FEZ2: variants seen among roughly 807,000 people sequenced by gnomAD.
FEZ2 encodes the protein fasciculation and elongation protein zeta-2.
A neutral mutation model predicts 40.4 loss-of-function variants in FEZ2; 51 were observed. That is an observed-to-expected ratio of 1.26 (90% CI 1.01 to 1.59). The LOEUF (loss-of-function observed/expected upper bound fraction) is 1.59, where lower values mean the gene tolerates loss of function less well. FEZ2 is among the 40% of genes most tolerant of loss of function. FEZ2 has a pLI of 0.00. For synonymous variants in FEZ2, 242 were observed against 172.0 expected (o/e 1.41, Z -3.18); for missense variants, 640 against 438.3 (o/e 1.46, Z -4.11).
At chr2:36,570,602 T>G (rs1431841410) in intron 5 of FEZ2, among the ~76,000 whole-genome samples, 1 of 152,212 alleles carries the variant, frequency 6.6e-6, no homozygotes, top group East Asian at 1.9e-4. Context: ...CAGGCAACTT[T>G]GTCGTATAGA....
chr2:36,585,605 T>C (rs1668879031), intron 2 of FEZ2, among the ~76,000 whole-genome samples: 1 of 152,178 alleles, frequency 6.6e-6, no homozygotes, highest in Admixed American at 6.5e-5. Context: ...GGTCAGCTAA[T>C]TATAAACTAA....
chr2:36,579,741 G>C (rs988956932), intron 4 of FEZ2, among the ~76,000 whole-genome samples: 5 of 152,132 alleles, frequency 3.3e-5, no homozygotes, highest in Non-Finnish European at 7.3e-5. Flanking sequence ...TTTTATAGCA[G>C]TGCAAGAATG....
In FEZ2 at chr2:36,560,812, G is replaced by C. The variant is rs746383880; in HGVS notation, c.904-2299C>G. The C allele has an allele frequency of 3.7e-6, 6 of 1,610,830 alleles. No homozygotes were observed. The Admixed American group carries it at 1.0e-4, about 27-fold the overall frequency. The stretch of plus-strand genomic sequence containing the variant: ...GTTTCTCTCCACCTGAATTTCCAAA[G>C]GTGTGGCGGAGGCCATTCTGAATGA... On this transcript the variant is annotated intron_variant, in intron 5 of 7. Coordinates refer to ENST00000405912, the MANE Select transcript of FEZ2 (RefSeq NM_005102.3).
intron 5 of FEZ2, among the ~76,000 whole-genome samples, chr2:36,562,716 T>G (rs764862737): frequency 6.6e-6 from 1 of 152,226 alleles, no homozygotes; most frequent in Non-Finnish European, 1.5e-5. Flanking sequence ...TTCATATTTT[T>G]TAAGCAGATT....
At chr2:36,586,906 A>G (rs1668917304) in intron 2 of FEZ2, among the ~76,000 whole-genome samples, 1 of 152,214 alleles carries the variant, frequency 6.6e-6, no homozygotes, top group Admixed American at 6.5e-5. Context: ...TGATGGCGCC[A>G]CTGTACTCCA....
At position 36,569,419 on chromosome 2, in the gene FEZ2, T is replaced by TA. The variant is rs1305987777; in HGVS notation, c.903+9177_903+9178insT. ...GATTATAGTTCCTAGCTGATAGGACTGAAAACAACATAAAGAGACATTACT... is the reference window on the plus strand; with the variant it reads ...GATTATAGTTCCTAGCTGATAGGACTAGAAAACAACATAAAGAGACATTACT... On this transcript the variant is annotated intron_variant, in intron 5 of 7. Transcript: ENST00000405912. Among the ~76,000 whole-genome samples, 563 of 152,280 alleles carry TA rather than the reference T, an allele frequency of 3.7e-3. 3 individuals are homozygous for TA. The highest frequency in any genetic ancestry group is 0.013 in the African/African-American group (541 of 41,554).
At chr2:36,581,167 G>C (rs769475759) in intron 4 of FEZ2, 123 bp downstream of exon 4, 10 of 974,186 alleles carry the variant, frequency 1.0e-5, no homozygotes, top group Non-Finnish European at 1.5e-5. Context: ...CAACAAAAAT[G>C]TAAATTTGGA....
chr2:36,597,849 CCA>C (rs1669278287), intron 1 of FEZ2, 26 bp downstream of exon 1: 2 of 1,328,932 alleles, frequency 1.5e-6, no homozygotes, highest in African/African-American at 3.1e-5. Context: ...AGGCTCCCGC[CCA>C]CTCCCGGCCG....
Position 36,578,848 on chromosome 2 carries a change from C to T in FEZ2, c.652G>A (p.Val218Met), listed in dbSNP as rs781081420. ...TCCAGGATTTCATTTAACTCAGACA[C>T]TGAGAGCCTTTTCACTCCTGTGACC... ...SYEERVKRLS[V>M]SELNEILEEI... The change falls in exon 5 of 8, where the codon GTG becomes ATG. Residue 218 changes from valine to methionine, a missense_variant. Coordinates refer to ENST00000405912, the MANE Select transcript of FEZ2 (RefSeq NM_005102.3). The T allele has an allele frequency of 5.6e-6, 9 of 1,610,510 alleles. No individual in the cohort carries two copies. The highest frequency in any genetic ancestry group is 1.3e-5 in the African/African-American group (1 of 74,790).
intron 2 of FEZ2, among the ~76,000 whole-genome samples, chr2:36,589,264 G>A (rs1486980268): frequency 6.6e-6 from 1 of 152,132 alleles, no homozygotes; most frequent in African/African-American, 2.4e-5. Context: ...AGTGATCTGG[G>A]GACTAGCACC....
chr2:36,598,168 C>T lies in FEZ2; in HGVS notation c.-26G>A. ...CGCCGCCCGGAGCAGTCGCGCGCCC[C>T]GCCCAGGCCGGCCCAGCCCGCCCAG... is the stretch of plus-strand genomic sequence containing the variant. On this transcript the variant is annotated 5_prime_UTR_variant, in exon 1 of 8. Coordinates refer to ENST00000405912, the MANE Select transcript of FEZ2 (RefSeq NM_005102.3). 8.0e-7 allele frequency: 1 copy of T among 1,249,608 alleles called. No individual in the cohort carries two copies. The highest frequency in any genetic ancestry group is 1.0e-6 in the Non-Finnish European group (1 of 1,004,024). The allele number at this position is 1,249,608 out of a possible 1,614,324, so 77.4% of individuals were successfully genotyped here.
rs573954803 is a variant in FEZ2, at chr2:36,586,950, T to G, written c.376-3481A>C. On this transcript the variant is annotated intron_variant, in intron 2 of 7. Coordinates refer to ENST00000405912, the MANE Select transcript of FEZ2 (RefSeq NM_005102.3). ...AACAGAGGGAGACACTCTCTCAATC[T>G]ATCAATCAATCAAATTGCTTCTGTG... 4.6e-5 allele frequency among the ~76,000 whole-genome samples: 7 copies of G among 152,324 alleles called. No homozygotes were observed. In the South Asian group the frequency reaches 1.4e-3, roughly 32 times the overall value.
intron 5 of FEZ2, chr2:36,561,231 G>A (rs79218633): frequency 0.011 from 1,718 of 162,502 alleles, 38 homozygotes; most frequent in African/African-American, 0.039. Context: ...TCAGAAGTCT[G>A]AAAACTTAAG....
chr2:36,568,666 A>G (rs1668320862), intron 5 of FEZ2, among the ~76,000 whole-genome samples: 1 of 152,218 alleles, frequency 6.6e-6, no homozygotes, highest in Non-Finnish European at 1.5e-5. Flanking sequence ...ATGATTAAGC[A>G]TTACAGTATT....
At chr2:36,594,377 C>T (rs183740972) in intron 1 of FEZ2, 3 of 164,402 alleles carry the variant, frequency 1.8e-5, no homozygotes, top group East Asian at 1.8e-4. Flanking sequence ...AAGACATACC[C>T]GAGACTGGGA....
Position 36,583,385 on chromosome 2 carries a change from C to T in FEZ2, c.460G>A (p.Val154Ile). The change falls in exon 3 of 8, where the codon GTT (valine) becomes ATT (isoleucine). Residue 154 changes from valine (V) to isoleucine (I), a missense_variant. Transcript: ENST00000405912. ...GCCGTGAAGAGGGGTTCATCATTAA[C>T]ACAGGAGACGATGATTGAGTGCATA... ...LDMHSIIVSC[V>I]NDEPLFTADQ... 2.5e-6 allele frequency: 4 copies of T among 1,602,672 alleles called. No individual in the cohort carries two copies. Among genetic ancestry groups the T allele is most frequent in the South Asian group, 1.1e-5 (1 of 90,856 alleles).
chr2:36,591,447 G>C (rs576214102), intron 1 of FEZ2: 1 of 155,250 alleles, frequency 6.4e-6, no homozygotes, highest in South Asian at 2.0e-4. Flanking sequence ...AAATACAACT[G>C]TGCATTACAC....
chr2:36,593,584 C>T (rs993453191), intron 1 of FEZ2, among the ~76,000 whole-genome samples: 5 of 152,080 alleles, frequency 3.3e-5, no homozygotes, highest in Admixed American at 3.3e-4. Context: ...GCTGTACTCT[C>T]GCCCCTTTCA....
At chr2:36,585,986 T>C (rs903924093) in intron 2 of FEZ2, among the ~76,000 whole-genome samples, 4 of 152,234 alleles carry the variant, frequency 2.6e-5, no homozygotes, top group African/African-American at 4.8e-5. Context: ...AGAAATCAAG[T>C]GGAGCAGAGA....
Sources: gnomAD v4.1 joint callset for allele counts (sites outside exome capture counted in the v4.1 genomes callset) on GRCh38, gnomAD v4.1.1 for gene constraint, MANE v1.5 for transcripts, NCBI Gene and HGNC (gene_info 2026-07-23, HGNC 2026-07-21) for gene names.